The following RHBDL3 variants were observed in gnomAD, a reference collection of about 807,000 sequenced individuals.
The protein encoded by RHBDL3 is rhomboid-related protein 3.
In RHBDL3, 28 loss-of-function variants were observed where a neutral mutation model predicts 48.2. The ratio of observed to expected loss-of-function variants is 0.58; its 90% CI spans 0.43 to 0.80. The LOEUF (loss-of-function observed/expected upper bound fraction) is 0.80, where lower values mean the gene tolerates loss of function less well. RHBDL3 is among the 30% of genes least tolerant of loss of function. The pLI is 0.00. For synonymous variants in RHBDL3, 208 were observed against 232.3 expected (o/e 0.90, Z 0.95); for missense variants, 464 against 542.7 (o/e 0.85, Z 1.44).
At chr17:32,268,335 C>T (rs891016609) in intron 2 of RHBDL3, among the ~76,000 whole-genome samples, 1 of 152,188 alleles carries the variant, frequency 6.6e-6, no homozygotes. Context: ...GAAGTCAAAT[C>T]TCTGCCATCC....
At chr17:32,305,192 C>T (rs2040679265) in intron 6 of RHBDL3, 149 bp from the exon 7 acceptor site, 2 of 629,280 alleles carry the variant, frequency 3.2e-6, no homozygotes, top group Admixed American at 5.0e-5. Flanking sequence ...GGAGGGGAAT[C>T]TCCCTGGCAA....
chr17:32,280,589 G>A (rs1317792260), intron 2 of RHBDL3: 1 of 152,202 alleles, frequency 6.6e-6, no homozygotes, highest in Non-Finnish European at 1.5e-5. Flanking sequence ...TCTGGCCTCC[G>A]AGCCCAGGCC....
intron 7 of RHBDL3, among the ~76,000 whole-genome samples, chr17:32,310,399 T>C (rs1222105118): frequency 6.6e-6 from 1 of 151,162 alleles, no homozygotes; most frequent in East Asian, 2.0e-4. Context: ...GGCTAATACG[T>C]GAAACCCCAT....
chr17:32,267,766 G>A (rs2150684143), intron 1 of RHBDL3, 136 bp from the exon 2 acceptor site: 3 of 1,527,004 alleles, frequency 2.0e-6, no homozygotes, highest in Middle Eastern at 1.8e-4. Context: ...GCCAGTCCCT[G>A]AGCCTGGTCA....
chr17:32,272,760 C>T (rs1453022105), intron 2 of RHBDL3, among the ~76,000 whole-genome samples: 4 of 152,222 alleles, frequency 2.6e-5, no homozygotes, highest in Admixed American at 6.5e-5. Flanking sequence ...GGTTGAACTT[C>T]GCCTGGCTGC....
At chr17:32,268,734 A>G (rs1256401028) in intron 2 of RHBDL3, among the ~76,000 whole-genome samples, 3 of 152,162 alleles carry the variant, frequency 2.0e-5, no homozygotes, top group Non-Finnish European at 4.4e-5. Context: ...TGGGTAGGAG[A>G]AGGAGATAAA....
At chr17:32,269,854 G>A (rs889385499) in intron 2 of RHBDL3, among the ~76,000 whole-genome samples, 1 of 152,164 alleles carries the variant, frequency 6.6e-6, no homozygotes, top group Non-Finnish European at 1.5e-5. Context: ...TGGGTGAAAG[G>A]AAGAGAGCTT....
intron 4 of RHBDL3, among the ~76,000 whole-genome samples, chr17:32,291,108 G>T (rs192144793): frequency 4.6e-5 from 7 of 151,934 alleles, no homozygotes; most frequent in African/African-American, 2.4e-5. Context: ...CGAGGTGGGC[G>T]GATCACTTGA....
intron 7 of RHBDL3, among the ~76,000 whole-genome samples, chr17:32,312,923 C>T (rs975574111): frequency 6.6e-6 from 1 of 152,154 alleles, no homozygotes; most frequent in East Asian, 1.9e-4. Context: ...GATCATCCCA[C>T]CTCAGCCTCC....
chr17:32,267,425 TCTC>T (rs141136261), intron 1 of RHBDL3, among the ~76,000 whole-genome samples: 4,276 of 141,950 alleles, frequency 0.03, 236 homozygotes, highest in African/African-American at 0.11. Flanking sequence ...AGAGGTGAGT[TCTC>T]CTGGGGGGGG....
intron 2 of RHBDL3, among the ~76,000 whole-genome samples, chr17:32,283,545 C>A (rs185008340): frequency 2.3e-3 from 351 of 151,730 alleles, no homozygotes; most frequent in Middle Eastern, 0.014. Context: ...GGATGGTCTC[C>A]ATCTCCTGAC....
At chr17:32,311,207 T>C (rs2040840994) in intron 7 of RHBDL3, among the ~76,000 whole-genome samples, 1 of 152,224 alleles carries the variant, frequency 6.6e-6, no homozygotes, top group Non-Finnish European at 1.5e-5. Context: ...TTAAAGGGCC[T>C]GCAAAAGGTT....
chr17:32,300,719 G>A (rs1036458415), intron 6 of RHBDL3, among the ~76,000 whole-genome samples: 4 of 152,120 alleles, frequency 2.6e-5, no homozygotes, highest in African/African-American at 7.2e-5. Flanking sequence ...AGGGGTTTGC[G>A]GATGATCGTG....
At chr17:32,318,867 C>T (rs1404807194) in intron 8 of RHBDL3, among the ~76,000 whole-genome samples, 6 of 152,178 alleles carry the variant, frequency 3.9e-5, no homozygotes, top group Admixed American at 6.5e-5. Flanking sequence ...ACCTTCCTTA[C>T]TTCTTACCCC....
chr17:32,320,945 C>T lies in RHBDL3; in HGVS notation c.944-13C>T. 1.2e-6 allele frequency: 2 copies of T among 1,602,432 alleles called. No individual in the cohort carries two copies. Among genetic ancestry groups the T allele is most frequent in the Non-Finnish European group, 1.7e-6 (2 of 1,171,912 alleles). On this transcript the variant is annotated splice_polypyrimidine_tract_variant and intron_variant, in intron 8 of 8. Coordinates refer to ENST00000269051, the MANE Select transcript of RHBDL3 (RefSeq NM_138328.3). ...GCCCTCCTGTGACATCTCTCTGCTT[C>T]CTCCCCTTGCAGTGAGCATGGAGTT...
intron 2 of RHBDL3, among the ~76,000 whole-genome samples, chr17:32,275,119 A>G (rs1530381): frequency 0.55 from 83,978 of 151,974 alleles, 25,852 homozygotes; most frequent in African/African-American, 0.84. Flanking sequence ...GGCGGCCAGC[A>G]GTTTAGGCTG....
chr17:32,278,302 A>T (rs1231518419), intron 2 of RHBDL3, among the ~76,000 whole-genome samples: 2 of 152,216 alleles, frequency 1.3e-5, no homozygotes, highest in Admixed American at 6.5e-5. Flanking sequence ...ATCTCAAAAA[A>T]ATAAAAATAA....
intron 8 of RHBDL3, among the ~76,000 whole-genome samples, chr17:32,317,988 C>T (rs150904114): frequency 2.0e-5 from 3 of 151,330 alleles, no homozygotes; most frequent in South Asian, 2.1e-4. Context: ...GTGGGAGGAT[C>T]GCTTGAGCCC....
chr17:32,275,268 G>A (rs754493081), intron 2 of RHBDL3, among the ~76,000 whole-genome samples: 6 of 152,198 alleles, frequency 3.9e-5, no homozygotes, highest in East Asian at 1.9e-4. Context: ...AGGCTGGGCC[G>A]GATGAGTCAG....
Sources: allele counts gnomAD v4.1 joint callset (sites outside exome capture counted in the v4.1 genomes callset), GRCh38; gene constraint gnomAD v4.1.1; transcripts MANE v1.5; gene names NCBI Gene and HGNC (gene_info 2026-07-23, HGNC 2026-07-21).